Variants in PPP1R9A observed in about 807,000 individuals in gnomAD.
The protein encoded by PPP1R9A is neurabin-1.
Under a neutral mutation model 141.9 loss-of-function variants are expected in PPP1R9A, and 59 were observed. The ratio of observed to expected loss-of-function variants is 0.42; its 90% CI spans 0.34 to 0.52. The LOEUF is 0.52. PPP1R9A is among the 20% of genes least tolerant of loss of function. The probability of loss-of-function intolerance (pLI) is 0.10; values close to 1 mark genes in which losing one functional copy is unlikely to be tolerated. For missense variants in PPP1R9A, 1,444 were observed against 1,611.9 expected, an observed-to-expected ratio of 0.90 and a Z score of 1.78; for synonymous variants, 500 against 569.7, an observed-to-expected ratio of 0.88 and a Z score of 1.74.
At chr7:94,984,290 C>A (rs550623337) in intron 2 of PPP1R9A, among the ~76,000 whole-genome samples, 19 of 152,162 alleles carry the variant, frequency 1.2e-4, no homozygotes, top group African/African-American at 4.6e-4. Context: ...GTCTAAAATT[C>A]TCTTTTTTTG....
chr7:94,938,888 C>T (rs954583441), intron 2 of PPP1R9A, among the ~76,000 whole-genome samples: 2 of 152,274 alleles, frequency 1.3e-5, no homozygotes, highest in East Asian at 3.9e-4. Context: ...AGTATTTTCT[C>T]ATATAATCTT....
Position 95,118,996 on chromosome 7 carries a change from AAAG to A in PPP1R9A, c.1529-1704_1529-1702del, listed in dbSNP as rs1174243372. On this transcript the variant is annotated intron_variant, in intron 3 of 19. Transcript: ENST00000433360. ...GACCTTGTCTCAAACAAAAAAAAAA[AAAG>A]AAGAAGAAGAAAGAAAAACAGAAAA... 2.6e-4 allele frequency among the ~76,000 whole-genome samples: 40 copies of A among 151,728 alleles called. No homozygotes were observed. In the East Asian group the frequency reaches 3.9e-3, roughly 15 times the overall value.
At chr7:95,070,593 G>A (rs1307372188) in intron 2 of PPP1R9A, among the ~76,000 whole-genome samples, 34 of 111,908 alleles carry the variant, frequency 3.0e-4, no homozygotes, top group South Asian at 7.3e-4. Flanking sequence ...TAAATCTCTG[G>A]TATATATATA....
intron 4 of PPP1R9A, among the ~76,000 whole-genome samples, chr7:95,121,455 G>GTCTATCTA (rs776836872): frequency 4.7e-4 from 68 of 144,960 alleles, no homozygotes; most frequent in Non-Finnish European, 7.5e-4. Context: ...CTGTCTGTCT[G>GTCTATCTA]TCTGTCTATC....
Position 94,910,726 on chromosome 7 carries a change from C to T in PPP1R9A, c.613C>T (p.Leu205=). 6.2e-7 allele frequency: 1 copy of T among 1,614,180 alleles called. No homozygotes were observed. The highest frequency in any genetic ancestry group is 8.5e-7 in the Non-Finnish European group (1 of 1,180,030). The change falls in exon 2 of 20, where the codon CTG becomes TTG. Residue 205 remains leucine, a synonymous_variant. Transcript: ENST00000433360. The surrounding 1 kb of genome is among the most constrained non-coding windows in gnomAD (Gnocchi z 4.5). The part of the protein sequence containing the change: ...TEAVSPTVSQ[L]SAVFENTDSP... ...GGCTGTCTCCCCAACTGTGAGTCAA[C>T]TGAGTGCAGTATTTGAGAACACTGA...
At chr7:95,203,554 A>C in intron 6 of PPP1R9A, 111 bp from the exon 7 acceptor site, 8 of 726,324 alleles carry the variant, frequency 1.1e-5, no homozygotes, top group Non-Finnish European at 1.8e-5. Context: ...TTAGTACTTA[A>C]CAGTGTGTAT....
In PPP1R9A at chr7:95,292,992, A is replaced by T. The variant is rs1563580306; in HGVS notation, c.*2689A>T. 1 of 152,198 alleles carries T rather than the reference A, an allele frequency of 6.6e-6. No individual in the cohort carries two copies. The allele number at this position is 152,198 out of a possible 1,614,324, so 9.4% of individuals were successfully genotyped here. On this transcript the variant is annotated 3_prime_UTR_variant, in exon 20 of 20. Coordinates refer to ENST00000433360, the MANE Select transcript of PPP1R9A (RefSeq NM_001166160.2). ...CAGAATTGTTATTTCATCAACCTTA[A>T]AAACTGCAGTTTTTATTATCAGAAA...
intron 7 of PPP1R9A, among the ~76,000 whole-genome samples, chr7:95,218,316 C>A (rs980743240): frequency 1.3e-5 from 2 of 152,132 alleles, no homozygotes; most frequent in Non-Finnish European, 2.9e-5. Context: ...AGTTTGATTG[C>A]AGTGTGGTCT....
intron 2 of PPP1R9A, among the ~76,000 whole-genome samples, chr7:95,082,747 T>G (rs1816052380): frequency 7.0e-6 from 1 of 143,686 alleles, no homozygotes; most frequent in African/African-American, 2.6e-5. Flanking sequence ...AGAAAAAAAG[T>G]GTAGGGTGGA....
At chr7:95,150,809 C>G (rs987037415) in intron 4 of PPP1R9A, among the ~76,000 whole-genome samples, 1 of 148,154 alleles carries the variant, frequency 6.7e-6, no homozygotes, top group Non-Finnish European at 1.5e-5. Context: ...CTCTTAAAAC[C>G]TAAATAATAA....
At chr7:95,111,868 A>T (rs1820637991) in intron 3 of PPP1R9A, among the ~76,000 whole-genome samples, 1 of 152,114 alleles carries the variant, frequency 6.6e-6, no homozygotes, top group South Asian at 2.1e-4. Context: ...GAGCAGGGAG[A>T]AGAGGGAGCA....
chr7:95,220,087 C>G (rs1396418744), intron 7 of PPP1R9A, among the ~76,000 whole-genome samples: 1 of 152,050 alleles, frequency 6.6e-6, no homozygotes, highest in South Asian at 2.1e-4. Context: ...GAGGAAACAA[C>G]ATTCAAAGAG....
At chr7:94,932,895 T>C (rs1331091723) in intron 2 of PPP1R9A, among the ~76,000 whole-genome samples, 1 of 151,670 alleles carries the variant, frequency 6.6e-6, no homozygotes, top group Admixed American at 6.6e-5. Flanking sequence ...AGTAAATATA[T>C]GTGGAACAGA....
At chr7:94,949,750 G>A (rs771533211) in intron 2 of PPP1R9A, among the ~76,000 whole-genome samples, 4 of 151,974 alleles carry the variant, frequency 2.6e-5, no homozygotes, top group Non-Finnish European at 5.9e-5. Flanking sequence ...GTTAGAGAGC[G>A]CCTAGGGGAG....
chr7:95,094,393 T>C (rs1233950016), intron 2 of PPP1R9A, among the ~76,000 whole-genome samples: 1 of 152,172 alleles, frequency 6.6e-6, no homozygotes, highest in Non-Finnish European at 1.5e-5. Context: ...CATTCGTAAA[T>C]TCATTCTCTC....
At position 94,911,871 on chromosome 7, in the gene PPP1R9A, A is replaced by G. The variant is rs114023032; in HGVS notation, c.1395+363A>G. Among the ~76,000 whole-genome samples the G allele has an allele frequency of 2.9e-3, 435 of 152,312 alleles. 1 individual carries two copies. The highest frequency in any genetic ancestry group is 9.8e-3 in the African/African-American group (407 of 41,562). ...TTTTACCTAAAATTATTCATAAATA[A>G]TATTTTCTGAATGTACACACTTTAA... On this transcript the variant is annotated intron_variant, in intron 2 of 19. Transcript: ENST00000433360.
chr7:95,046,154 C>T (rs1429750939), intron 2 of PPP1R9A, among the ~76,000 whole-genome samples: 1 of 151,472 alleles, frequency 6.6e-6, no homozygotes, highest in Non-Finnish European at 1.5e-5. Flanking sequence ...TCTCGGTTCC[C>T]TGCAACCTCT....
Position 95,203,667 on chromosome 7 carries a change from C to A in PPP1R9A, c.1893C>A (p.Asn631Lys), listed in dbSNP as rs1440196521. Residue 631 changes from asparagine (N) to lysine (K), a missense_variant and splice_region_variant, in exon 7 of 20, where the codon AAC becomes AAA. Physicochemically the swap from Asn to Lys is moderately conservative, Grantham distance 94. Transcript: ENST00000433360. ...YAQYDADDDE[N>K]TVAELQGMSG... ...ATATTTTTTGTCAACCATTTTAGAA[C>A]ACTGTGGCTGAATTGCAAGGAATGT... The A allele has an allele frequency of 7.2e-6, 11 of 1,535,888 alleles. No homozygotes were observed. In the East Asian group the frequency reaches 1.7e-4, roughly 24 times the overall value.
intron 18 of PPP1R9A, chr7:95,287,056 C>T (rs949731492): frequency 1.3e-6 from 2 of 1,545,030 alleles, no homozygotes; most frequent in African/African-American, 2.7e-5. Flanking sequence ...TATGTTGTGT[C>T]TCCTGTTTCT....
Sources: allele counts gnomAD v4.1 joint callset (sites outside exome capture counted in the v4.1 genomes callset), GRCh38; gene constraint gnomAD v4.1.1; non-coding constraint Gnocchi (gnomAD v3.1); transcripts MANE v1.5; gene names NCBI Gene and HGNC (gene_info 2026-07-23, HGNC 2026-07-21).